TUSC3: variants seen among roughly 807,000 people sequenced by gnomAD.
TUSC3 encodes the protein dolichyl-diphosphooligosaccharide--protein glycosyltransferase subunit TUSC3.
TUSC3 carries 45 observed loss-of-function variants against 44.8 expected under a neutral mutation model. The observed-to-expected ratio is 1.00, with a 90% CI of 0.79 to 1.29. The LOEUF (loss-of-function observed/expected upper bound fraction) is 1.29. TUSC3 is among the 50% of genes most tolerant of loss of function. TUSC3 has a pLI of 0.00. For synonymous variants in TUSC3, 212 were observed against 152.9 expected (o/e 1.39, Z -2.85); for missense variants, 519 against 437.9 (o/e 1.19, Z -1.65).
intron 1 of TUSC3, among the ~76,000 whole-genome samples, chr8:15,573,221 TATATATATA>T (rs1473713677): frequency 2.2e-5 from 3 of 139,032 alleles, no homozygotes; most frequent in African/African-American, 8.4e-5. Context: ...TATATATATA[TATATATATA>T]AAAGTTTTTT....
At chr8:15,632,184 C>G (rs975074280) in intron 2 of TUSC3, among the ~76,000 whole-genome samples, 1 of 152,140 alleles carries the variant, frequency 6.6e-6, no homozygotes, top group African/African-American at 2.4e-5. Context: ...TCATCTGTTA[C>G]ATTTGTTACA....
chr8:15,652,304 A>AT (rs1463518297), intron 3 of TUSC3, among the ~76,000 whole-genome samples: 7 of 152,224 alleles, frequency 4.6e-5, no homozygotes, highest in Admixed American at 4.6e-4. Flanking sequence ...ATTAGTGAAC[A>AT]TTTTTACTTA....
At chr8:15,657,986 A>G (rs1250572589) in intron 3 of TUSC3, among the ~76,000 whole-genome samples, 1 of 152,176 alleles carries the variant, frequency 6.6e-6, no homozygotes, top group East Asian at 1.9e-4. Context: ...AGCAGGCTCA[A>G]CTTGCACTTT....
intron 1 of TUSC3, among the ~76,000 whole-genome samples, chr8:15,446,136 G>A (rs1480889302): frequency 4.6e-5 from 7 of 151,502 alleles, no homozygotes; most frequent in Non-Finnish European, 1.0e-4. Flanking sequence ...ACGGGGTCGC[G>A]GCCGGGCAGA....
chr8:15,501,486 G>C (rs775027577), intron 2 of TUSC3, among the ~76,000 whole-genome samples: 9 of 152,156 alleles, frequency 5.9e-5, no homozygotes, highest in Non-Finnish European at 1.2e-4. Context: ...TAAATCACTA[G>C]TGCCTAAACT....
intron 1 of TUSC3, among the ~76,000 whole-genome samples, chr8:15,475,068 G>T (rs17121494): frequency 6.6e-6 from 1 of 151,816 alleles, no homozygotes; most frequent in African/African-American, 2.4e-5. Flanking sequence ...ATTTATAGGC[G>T]CCCCCTTTAT....
chr8:15,726,109 A>G (rs1168053229), intron 6 of TUSC3, among the ~76,000 whole-genome samples: 1 of 152,196 alleles, frequency 6.6e-6, no homozygotes, highest in East Asian at 1.9e-4. Flanking sequence ...CAATTTAAAA[A>G]TGTTGAAAAA....
chr8:15,675,705 T>G (rs1328339911), intron 6 of TUSC3, among the ~76,000 whole-genome samples: 1 of 152,122 alleles, frequency 6.6e-6, no homozygotes, highest in East Asian at 1.9e-4. Context: ...GATTTTCTTT[T>G]TCTGTTAATT....
chr8:15,726,432 A>G (rs17577775), intron 6 of TUSC3, among the ~76,000 whole-genome samples: 43,666 of 152,030 alleles, frequency 0.29, 6,992 homozygotes, highest in Admixed American at 0.4. Flanking sequence ...CATGGTAATG[A>G]ATTTTGTTAT....
Position 15,757,995 on chromosome 8 carries a change from T to G in TUSC3, c.*46+140T>G, listed in dbSNP as rs887109467. 9 of 1,461,056 alleles carry G rather than the reference T, an allele frequency of 6.2e-6. No individual in the cohort carries two copies. The East Asian group carries it at 2.2e-4, about 36-fold the overall frequency. 90.5% of individuals were successfully genotyped at this position (1,461,056 alleles called of 1,614,324 possible). A position where few individuals can be genotyped will look rare whatever the true frequency, so the allele number is the denominator to read the frequency against. ...TAACTTTTAACTGTGAGATTCCATATTCCAGTCTTACATTATTATGTTTAT... is the reference window on the plus strand; with the variant it reads ...TAACTTTTAACTGTGAGATTCCATAGTCCAGTCTTACATTATTATGTTTAT... On this transcript the variant is annotated intron_variant, in intron 10 of 10. Coordinates refer to ENST00000503731, the MANE Select transcript of TUSC3 (RefSeq NM_006765.4).
At chr8:15,504,920 G>A (rs555618006) in intron 2 of TUSC3, among the ~76,000 whole-genome samples, 27 of 151,680 alleles carry the variant, frequency 1.8e-4, no homozygotes, top group East Asian at 1.2e-3. Context: ...CCAAAGTGCC[G>A]GGATTACAGG....
the TUSC3 span, among the ~76,000 whole-genome samples, chr8:15,850,972 G>A: frequency 1.3e-5 from 2 of 152,254 alleles, no homozygotes; most frequent in South Asian, 2.1e-4. Context: ...GAGAGCTGGT[G>A]AGCATATTCT....
intron 6 of TUSC3, among the ~76,000 whole-genome samples, chr8:15,712,137 G>T (rs2129200139): frequency 6.6e-6 from 1 of 151,866 alleles, no homozygotes; most frequent in African/African-American, 2.4e-5. Flanking sequence ...TACAAGTATT[G>T]TAAAATATTT....
chr8:15,528,980 C>T (rs1011264824), intron 2 of TUSC3, among the ~76,000 whole-genome samples: 1 of 152,156 alleles, frequency 6.6e-6, no homozygotes, highest in South Asian at 2.1e-4. Context: ...AGTTAATAAC[C>T]AATGAACAGT....
chr8:15,785,653 C>G, the TUSC3 span, among the ~76,000 whole-genome samples: 7 of 151,958 alleles, frequency 4.6e-5, no homozygotes, highest in Non-Finnish European at 1.0e-4. Flanking sequence ...CCAACCATGC[C>G]CCTGCCTCCT....
chr8:15,667,002 T>A, intron 5 of TUSC3, among the ~76,000 whole-genome samples: 1 of 151,584 alleles, frequency 6.6e-6, no homozygotes, highest in Non-Finnish European at 1.5e-5. Flanking sequence ...TACTCATATA[T>A]GGATAGATTT....
the TUSC3 span, chr8:15,807,186 C>T: frequency 1.7e-5 from 13 of 769,818 alleles, no homozygotes; most frequent in South Asian, 2.8e-5. Context: ...CATTTCAATA[C>T]GTCAACCTTG....
At chr8:15,739,468 AG>A (rs1322391460) in intron 7 of TUSC3, among the ~76,000 whole-genome samples, 2 of 152,142 alleles carry the variant, frequency 1.3e-5, no homozygotes, top group Admixed American at 6.5e-5. Flanking sequence ...CCCTGTTAAT[AG>A]GGAGTCTGCA....
At chr8:15,428,829 C>A (rs1317676715) in intron 1 of TUSC3, among the ~76,000 whole-genome samples, 3 of 151,034 alleles carry the variant, frequency 2.0e-5, no homozygotes, top group Admixed American at 6.6e-5. Context: ...TTGTTTTTTT[C>A]TTGTAAATTT....
Sources: gnomAD v4.1 joint callset for allele counts (sites outside exome capture counted in the v4.1 genomes callset) on GRCh38, gnomAD v4.1.1 for gene constraint, MANE v1.5 for transcripts, NCBI Gene and HGNC (gene_info 2026-07-23, HGNC 2026-07-21) for gene names.